The following CTNNBL1 variants were observed in gnomAD, a reference collection of about 807,000 sequenced individuals.
The protein encoded by CTNNBL1 is beta-catenin-like protein 1.
In CTNNBL1, 31 loss-of-function variants were observed where a neutral mutation model predicts 72.7. The ratio of observed to expected loss-of-function variants is 0.43; its 90% CI spans 0.32 to 0.58. The LOEUF is 0.58. CTNNBL1 is among the 20% of genes least tolerant of loss of function. The probability of loss-of-function intolerance (pLI) is 0.08; values close to 1 mark genes in which losing one functional copy is unlikely to be tolerated. For missense variants in CTNNBL1, 534 were observed against 725.1 expected (o/e 0.74, Z 3.03); for synonymous variants, 240 against 267.3 (o/e 0.90, Z 1.00).
chr20:37,816,077 T>C (rs1019953177), intron 11 of CTNNBL1, among the ~76,000 whole-genome samples: 27 of 152,232 alleles, frequency 1.8e-4, no homozygotes, highest in African/African-American at 6.5e-4. Context: ...TTGATTTTGC[T>C]TGTGGGTGTC....
chr20:37,847,257 T>C (rs1039280047), intron 13 of CTNNBL1, among the ~76,000 whole-genome samples: 3 of 152,178 alleles, frequency 2.0e-5, no homozygotes, highest in Non-Finnish European at 4.4e-5. Context: ...CTATACACAT[T>C]CAGTTCAAAT....
At chr20:37,795,632 T>C (rs960357879) in intron 10 of CTNNBL1, among the ~76,000 whole-genome samples, 8 of 152,244 alleles carry the variant, frequency 5.3e-5, no homozygotes, top group African/African-American at 1.9e-4. Flanking sequence ...TAATCTCATC[T>C]ACTGTATTTT....
intron 1 of CTNNBL1, among the ~76,000 whole-genome samples, chr20:37,701,837 G>C (rs1424717436): frequency 6.6e-6 from 1 of 151,418 alleles, no homozygotes; most frequent in Non-Finnish European, 1.5e-5. Flanking sequence ...CAGATGTGTG[G>C]CGTAATACAT....
intron 10 of CTNNBL1, among the ~76,000 whole-genome samples, chr20:37,793,552 C>T (rs1266178626): frequency 6.6e-6 from 1 of 152,114 alleles, no homozygotes; most frequent in Non-Finnish European, 1.5e-5. Flanking sequence ...GAGATAGGGC[C>T]TTTAAGAAGG....
intron 2 of CTNNBL1, among the ~76,000 whole-genome samples, chr20:37,735,636 A>AGACCCT (rs2073164963): frequency 6.6e-6 from 1 of 152,190 alleles, no homozygotes; most frequent in Non-Finnish European, 1.5e-5. Flanking sequence ...GGGAGGAGGT[A>AGACCCT]GGGGTTCAAT....
At position 37,694,064 on chromosome 20, in the gene CTNNBL1, A is replaced by C; in HGVS notation, c.-59A>C. 1 of 1,573,686 alleles carries C rather than the reference A, an allele frequency of 6.4e-7. No individual in the cohort carries two copies. The highest frequency in any genetic ancestry group is 1.1e-5 in the South Asian group (1 of 87,370). On this transcript the variant is annotated 5_prime_UTR_variant, in exon 1 of 16. Coordinates refer to ENST00000361383, the MANE Select transcript of CTNNBL1 (RefSeq NM_030877.5). ...GGCAGTGTGGCTGGAGCCGCGGCTG[A>C]CGGGCCCGCGGTCTGGGCGTGAGTG...
intron 1 of CTNNBL1, among the ~76,000 whole-genome samples, chr20:37,728,071 A>G (rs2073099748): frequency 2.0e-5 from 3 of 152,288 alleles, no homozygotes; most frequent in Middle Eastern, 3.4e-3. Context: ...AGGCAAATCC[A>G]TTTTAGCTTG....
chr20:37,722,323 A>T (rs1258093160), intron 1 of CTNNBL1, among the ~76,000 whole-genome samples: 2 of 151,938 alleles, frequency 1.3e-5, no homozygotes, highest in Non-Finnish European at 2.9e-5. Context: ...AAAATACAAA[A>T]ATTAGCCAGG....
chr20:37,732,416 A>C (rs769573392), intron 1 of CTNNBL1, among the ~76,000 whole-genome samples: 1 of 152,196 alleles, frequency 6.6e-6, no homozygotes, highest in Non-Finnish European at 1.5e-5. Flanking sequence ...TGGCATTGGG[A>C]GTTATATCTT....
At chr20:37,705,996 C>T (rs2072881680) in intron 1 of CTNNBL1, among the ~76,000 whole-genome samples, 1 of 152,224 alleles carries the variant, frequency 6.6e-6, no homozygotes, top group East Asian at 1.9e-4. Flanking sequence ...TTTGGTTTCC[C>T]AGTGCATATT....
chr20:37,781,534 GT>G (rs1330825917), intron 10 of CTNNBL1, among the ~76,000 whole-genome samples: 2 of 152,182 alleles, frequency 1.3e-5, no homozygotes. Context: ...GAATGCTGAA[GT>G]TGCTGTTACA....
At chr20:37,717,213 G>A (rs1425830697) in intron 1 of CTNNBL1, among the ~76,000 whole-genome samples, 1 of 152,204 alleles carries the variant, frequency 6.6e-6, no homozygotes, top group Non-Finnish European at 1.5e-5. Context: ...AGTGACCTGA[G>A]AGATAACTTG....
intron 7 of CTNNBL1, among the ~76,000 whole-genome samples, chr20:37,772,738 T>C (rs1463795378): frequency 6.6e-6 from 1 of 152,212 alleles, no homozygotes; most frequent in Non-Finnish European, 1.5e-5. Flanking sequence ...CTAGATTGCT[T>C]GATAAAACCT....
chr20:37,756,677 TC>T (rs2122645253), intron 4 of CTNNBL1, among the ~76,000 whole-genome samples: 1 of 149,242 alleles, frequency 6.7e-6, no homozygotes, highest in South Asian at 2.2e-4. Context: ...TCACTCTGTT[TC>T]CCAGGCTGGA....
intron 11 of CTNNBL1, among the ~76,000 whole-genome samples, chr20:37,806,602 G>A (rs2071962924): frequency 6.6e-6 from 1 of 152,180 alleles, no homozygotes; most frequent in African/African-American, 2.4e-5. Context: ...CATGCGCAAT[G>A]GGTAAACATA....
intron 10 of CTNNBL1, among the ~76,000 whole-genome samples, chr20:37,800,863 A>G (rs2073818524): frequency 6.6e-6 from 1 of 152,060 alleles, no homozygotes; most frequent in Non-Finnish European, 1.5e-5. Flanking sequence ...GTTCATTTCT[A>G]TTTCAGGACC....
chr20:37,741,097 A>C (rs1446917307), intron 3 of CTNNBL1, among the ~76,000 whole-genome samples: 4 of 152,194 alleles, frequency 2.6e-5, no homozygotes, highest in Non-Finnish European at 4.4e-5. Flanking sequence ...GCCTAGGAAA[A>C]TATTCTCTGT....
At chr20:37,821,071 C>G (rs2072103158) in intron 11 of CTNNBL1, among the ~76,000 whole-genome samples, 1 of 152,224 alleles carries the variant, frequency 6.6e-6, no homozygotes, top group South Asian at 2.1e-4. Context: ...TGGTGTTACT[C>G]TTTTCTCTCC....
At chr20:37,834,897 C>A (rs960517254) in intron 11 of CTNNBL1, among the ~76,000 whole-genome samples, 1 of 152,138 alleles carries the variant, frequency 6.6e-6, no homozygotes, top group Non-Finnish European at 1.5e-5. Flanking sequence ...TATTATTATA[C>A]CCTACTTACG....
Sources: gnomAD v4.1 joint callset for allele counts (sites outside exome capture counted in the v4.1 genomes callset) on GRCh38, gnomAD v4.1.1 for gene constraint, MANE v1.5 for transcripts, NCBI Gene and HGNC (gene_info 2026-07-23, HGNC 2026-07-21) for gene names.